ARHGAP6: variants seen among roughly 807,000 people sequenced by gnomAD.
ARHGAP6 encodes rho GTPase-activating protein 6.
In ARHGAP6, 16 loss-of-function variants were observed where a neutral mutation model predicts 55.7. The observed-to-expected ratio is 0.29, with a 90% CI of 0.19 to 0.44. The LOEUF (loss-of-function observed/expected upper bound fraction) is 0.44, where lower values mean the gene tolerates loss of function less well. ARHGAP6 is among the 20% of genes least tolerant of loss of function. ARHGAP6 has a pLI of 1.00. For synonymous variants in ARHGAP6, 382 were observed against 360.9 expected (o/e 1.06, Z -0.66); for missense variants, 698 against 808.9 (o/e 0.86, Z 1.66).
chrX:11,389,285 T>C (rs774901455), intron 1 of ARHGAP6, among the ~76,000 whole-genome samples: 1 of 112,205 alleles, frequency 8.9e-6, no homozygotes, highest in African/African-American at 3.2e-5. Context: ...ATAATAACTC[T>C]CTATTGATAC....
chrX:11,177,828 G>T (rs773295238), intron 8 of ARHGAP6, among the ~76,000 whole-genome samples: 1 of 111,859 alleles, frequency 8.9e-6, no homozygotes, highest in South Asian at 3.8e-4. Flanking sequence ...TTTACAAACG[G>T]AAGTTCAGAG....
intron 1 of ARHGAP6, chrX:11,335,675 G>T (rs1453474440): frequency 6.7e-6 from 2 of 298,174 alleles, no homozygotes; most frequent in Non-Finnish European, 6.3e-6. Flanking sequence ...ATTTTTTATG[G>T]TAATCTAACT....
Position 11,171,204 on chromosome X carries a change from A to G in ARHGAP6, c.1630-1520T>C, listed in dbSNP as rs113741321. On this transcript the variant is annotated intron_variant, in intron 8 of 12. Coordinates refer to ENST00000337414, the MANE Select transcript of ARHGAP6 (RefSeq NM_013427.3). The stretch of plus-strand genomic sequence containing the variant: ...TTCAATATATTAATAATTAGAAAGC[A>G]CAGGTAAGCCAAAAGAAAAAAAAAT... Among the ~76,000 whole-genome samples the G allele has an allele frequency of 5.6e-4, 62 of 111,244 alleles. 1 individual carries two copies. Among genetic ancestry groups the G allele is most frequent in the African/African-American group, 1.7e-3 (52 of 30,563 alleles).
chrX:11,513,294 C>CA (rs989031711), intron 1 of ARHGAP6, among the ~76,000 whole-genome samples: 15 of 111,534 alleles, frequency 1.3e-4, no homozygotes, highest in Non-Finnish European at 7.5e-5. Flanking sequence ...CCACCACCAA[C>CA]AAAAAAACCC....
chrX:11,354,317 CTCTCTCTCTCTA>C (rs1341458405), intron 1 of ARHGAP6, among the ~76,000 whole-genome samples: 29 of 68,318 alleles, frequency 4.2e-4, no homozygotes, highest in Admixed American at 1.0e-3. Flanking sequence ...CTCTCTCTCT[CTCTCTCTCTCTA>C]TATATATATA....
chrX:11,475,360 T>G (rs1199872407), intron 1 of ARHGAP6, among the ~76,000 whole-genome samples: 1 of 110,803 alleles, frequency 9.0e-6, no homozygotes, highest in African/African-American at 3.3e-5. Context: ...AGGCTTTTGG[T>G]TCCTACAGCT....
chrX:11,345,003 A>C (rs191382995), intron 1 of ARHGAP6, among the ~76,000 whole-genome samples: 41 of 112,554 alleles, frequency 3.6e-4, no homozygotes, highest in African/African-American at 1.3e-3. Context: ...TGTACTTTTC[A>C]AAGTTGCCAT....
chrX:11,605,269 C>G (rs965006682), intron 1 of ARHGAP6, among the ~76,000 whole-genome samples: 1 of 111,375 alleles, frequency 9.0e-6, no homozygotes, highest in Non-Finnish European at 1.9e-5. Context: ...GTAAAAATGA[C>G]GAAGCCTGAC....
intron 11 of ARHGAP6, chrX:11,143,732 T>C (rs1173450971): frequency 9.0e-7 from 1 of 1,112,748 alleles, no homozygotes; most frequent in African/African-American, 1.9e-5. Flanking sequence ...GGCATGCGTT[T>C]ATTTCCCAGA....
chrX:11,360,663 T>C (rs1232203479), intron 1 of ARHGAP6, among the ~76,000 whole-genome samples: 1 of 107,782 alleles, frequency 9.3e-6, no homozygotes, highest in Non-Finnish European at 1.9e-5. Context: ...CCAGGGCAAT[T>C]AGGCAGGAGA....
intron 1 of ARHGAP6, among the ~76,000 whole-genome samples, chrX:11,578,059 G>A (rs1569405757): frequency 9.0e-6 from 1 of 111,552 alleles, no homozygotes. Context: ...GAAAAGGAAG[G>A]AAAGGGGAAG....
intron 1 of ARHGAP6, among the ~76,000 whole-genome samples, chrX:11,366,268 C>T (rs576555048): frequency 8.9e-6 from 1 of 112,339 alleles, no homozygotes; most frequent in South Asian, 3.7e-4. Context: ...TACTCATTAA[C>T]TGGCAACTAT....
chrX:11,638,237 A>G (rs961482025), intron 1 of ARHGAP6, among the ~76,000 whole-genome samples: 1 of 112,196 alleles, frequency 8.9e-6, no homozygotes, highest in Non-Finnish European at 1.9e-5. Context: ...GTTGGACTGA[A>G]GAAAATGACA....
chrX:11,525,052 G>C (rs1253019511), intron 1 of ARHGAP6, among the ~76,000 whole-genome samples: 2 of 111,672 alleles, frequency 1.8e-5, no homozygotes, highest in Non-Finnish European at 3.8e-5. Flanking sequence ...TGTAAATGCA[G>C]ATGAAGTTTC....
At chrX:11,661,596 T>C (rs949367688) in intron 1 of ARHGAP6, among the ~76,000 whole-genome samples, 1 of 112,543 alleles carries the variant, frequency 8.9e-6, no homozygotes, top group African/African-American at 3.2e-5. Flanking sequence ...ATGAGATCCA[T>C]CAATGGCTAA....
intron 1 of ARHGAP6, among the ~76,000 whole-genome samples, chrX:11,530,505 A>G (rs1262055257): frequency 2.7e-5 from 3 of 111,989 alleles, no homozygotes; most frequent in Non-Finnish European, 5.6e-5. Flanking sequence ...CACAGCTATT[A>G]CCATTCTCGA....
chrX:11,181,955 A>G, intron 6 of ARHGAP6, 108 bp downstream of exon 6: 1 of 648,799 alleles, frequency 1.5e-6, no homozygotes, highest in Non-Finnish European at 2.3e-6. Context: ...GAGGGTAAAA[A>G]AAAAAAAAAA....
At chrX:11,266,005 G>A in intron 1 of ARHGAP6, 1 of 879,747 alleles carries the variant, frequency 1.1e-6, no homozygotes, top group Admixed American at 4.4e-5. Context: ...ACAAATGAGT[G>A]AGTGCGTGTG....
intron 1 of ARHGAP6, among the ~76,000 whole-genome samples, chrX:11,493,998 T>A: frequency 9.1e-6 from 1 of 110,039 alleles, no homozygotes; most frequent in Non-Finnish European, 1.9e-5. Flanking sequence ...CATGCCCAGC[T>A]CCATTTCTGA....
Sources: allele counts gnomAD v4.1 joint callset (sites outside exome capture counted in the v4.1 genomes callset), GRCh38; gene constraint gnomAD v4.1.1; transcripts MANE v1.5; gene names NCBI Gene and HGNC (gene_info 2026-07-23, HGNC 2026-07-21).